NRXN1: variants seen among roughly 807,000 people sequenced by gnomAD.
NRXN1 encodes the protein neurexin 1.
Under a neutral mutation model 150.9 loss-of-function variants are expected in NRXN1, and 39 were observed. The observed-to-expected ratio is 0.26, with a 90% CI of 0.20 to 0.34. The LOEUF is 0.34. Ranked by LOEUF, NRXN1 falls within the 10% of genes least tolerant of loss-of-function variation. The probability of loss-of-function intolerance (pLI) is 1.00; values close to 1 mark genes in which losing one functional copy is unlikely to be tolerated. For synonymous variants in NRXN1, 924 were observed against 757.0 expected, an observed-to-expected ratio of 1.22 and a Z score of -3.62; for missense variants, 1,815 against 1,949.9, an observed-to-expected ratio of 0.93 and a Z score of 1.30.
chr2:50,839,726 A>T (rs1672607453), intron 5 of NRXN1, among the ~76,000 whole-genome samples: 1 of 152,150 alleles, frequency 6.6e-6, no homozygotes, highest in African/African-American at 2.4e-5. Flanking sequence ...GAAAACACAT[A>T]AGAATGCTTG....
At chr2:50,730,263 AT>A (rs529591867) in intron 5 of NRXN1, among the ~76,000 whole-genome samples, 1 of 152,084 alleles carries the variant, frequency 6.6e-6, no homozygotes, top group Admixed American at 6.5e-5. Context: ...ATGGTCTACT[AT>A]TTTTTTAAAT....
At position 50,531,160 on chromosome 2, in the gene NRXN1, A is replaced by G. The variant is rs1485552100; in HGVS notation, c.2347+67T>C. On this transcript the variant is annotated intron_variant, in intron 11 of 22. Coordinates refer to ENST00000401669, the MANE Select transcript of NRXN1 (RefSeq NM_001330078.2). ...CCATGGCAAACAGGCTACTTGATCA[A>G]TGTTTGCAGGCAAATTGAACAAAAA... The G allele has an allele frequency of 1.4e-5, 17 of 1,212,206 alleles. No individual in the cohort carries two copies. The East Asian group carries it at 3.8e-4, about 27-fold the overall frequency. 75.1% of individuals were successfully genotyped at this position (1,212,206 alleles called of 1,614,324 possible).
rs1431066801 is a variant in NRXN1 at position 50,901,852 on chromosome 2, C to A, written c.832+20017G>T. On this transcript the variant is annotated intron_variant, in intron 5 of 22. Transcript: ENST00000401669. ...AATTTGTATTCACTAAATAGGTTTT[C>A]AAGCTTTCAAAATGTTTAAAAATGT... Among the ~76,000 whole-genome samples the A allele has an allele frequency of 3.3e-5, 5 of 152,258 alleles. No homozygotes were observed. The East Asian group carries it at 9.7e-4, about 29-fold the overall frequency.
chr2:50,538,633 G>T lies in NRXN1; in HGVS notation c.1763C>A (p.Thr588Asn). 6.8e-7 allele frequency: 1 copy of T among 1,480,292 alleles called. No homozygotes were observed. Among genetic ancestry groups the T allele is most frequent in the East Asian group, 2.3e-5 (1 of 43,216 alleles). 91.7% of individuals were successfully genotyped at this position (1,480,292 alleles called of 1,614,324 possible). A position where few individuals can be genotyped will look rare whatever the true frequency, so the allele number is the denominator to read the frequency against. The change falls in exon 10 of 23, where the codon ACC (threonine) becomes AAC (asparagine). Residue 588 changes from threonine (T) to asparagine (N), a missense_variant. Physicochemically the swap from Thr to Asn is moderately conservative, Grantham distance 65. Around this residue, in one of 6 missense-constraint regions of NRXN1, gnomAD observed 638 missense variants for 652.6 expected, o/e 0.98. Coordinates refer to ENST00000401669, the MANE Select transcript of NRXN1 (RefSeq NM_001330078.2). ...VDFQRDGRSGTISVNTLRTPY... is the reference protein window; with the variant it reads ...VDFQRDGRSGNISVNTLRTPY... Reference sequence around the variant, plus strand: ...AGTACGCAACGTGTTGACAGAAATGGTACCTATTTCAAAGAGAGGAGAATG... The same window carrying T: ...AGTACGCAACGTGTTGACAGAAATGTTACCTATTTCAAAGAGAGGAGAATG...
intron 18 of NRXN1, chr2:50,175,126 A>T (rs554072866): frequency 6.6e-6 from 1 of 152,282 alleles, no homozygotes; most frequent in East Asian, 1.9e-4. Flanking sequence ...CTCATGATCC[A>T]ATGCCCTTTC....
At chr2:50,293,405 T>A (rs1169855932) in intron 17 of NRXN1, among the ~76,000 whole-genome samples, 3 of 152,156 alleles carry the variant, frequency 2.0e-5, no homozygotes, top group Non-Finnish European at 4.4e-5. Flanking sequence ...AAGCCTTACA[T>A]CATGCTACCC....
chr2:50,514,553 A>G lies in NRXN1; in HGVS notation c.2375-7936T>C, dbSNP rs1481791926. ...ACATTCTAATAGGTCAGAAGTCAAA[A>G]CACTTTTTCTGTAAAGGGCCAGACA... On this transcript the variant is annotated intron_variant, in intron 12 of 22. Coordinates refer to ENST00000401669, the MANE Select transcript of NRXN1 (RefSeq NM_001330078.2). 4.6e-5 allele frequency among the ~76,000 whole-genome samples: 7 copies of G among 152,184 alleles called. No homozygotes were observed. In the East Asian group the frequency reaches 1.3e-3, roughly 29 times the overall value.
chr2:50,176,701 T>G (rs1024574858), intron 18 of NRXN1, among the ~76,000 whole-genome samples: 6 of 152,146 alleles, frequency 3.9e-5, no homozygotes, highest in Admixed American at 3.9e-4. Context: ...CTAAAGGTAT[T>G]TTTATTCACC....
chr2:50,155,186 T>C (rs922530122), intron 18 of NRXN1, among the ~76,000 whole-genome samples: 26 of 151,674 alleles, frequency 1.7e-4, no homozygotes, highest in African/African-American at 6.3e-4. Context: ...AAGAAGACAC[T>C]AAAATACTAT....
At chr2:50,999,696 A>C (rs1995583) in intron 2 of NRXN1, among the ~76,000 whole-genome samples, 96,303 of 151,842 alleles carry the variant, frequency 0.63, 30,926 homozygotes, top group East Asian at 0.75. Flanking sequence ...GCCACCCAGT[A>C]ACTCAGGTCA....
intron 5 of NRXN1, among the ~76,000 whole-genome samples, chr2:50,769,739 T>A (rs1172722596): frequency 1.3e-5 from 2 of 152,092 alleles, no homozygotes; most frequent in Non-Finnish European, 2.9e-5. Flanking sequence ...TCATAAAGCC[T>A]TCAAAAATTA....
chr2:50,812,324 C>T (rs17503903), intron 5 of NRXN1, among the ~76,000 whole-genome samples: 14,485 of 152,106 alleles, frequency 0.095, 785 homozygotes, highest in Admixed American at 0.14. Context: ...AATATCTTTG[C>T]GGTTACATAT....
chr2:50,440,341 A>T (rs1372604210), intron 17 of NRXN1, among the ~76,000 whole-genome samples: 1 of 152,136 alleles, frequency 6.6e-6, no homozygotes, highest in Non-Finnish European at 1.5e-5. Context: ...GAGTATGTAC[A>T]ACCACTTAAT....
Position 50,445,509 on chromosome 2 carries a change from A to T in NRXN1, c.3364+19933T>A, listed in dbSNP as rs553329929. On this transcript the variant is annotated intron_variant, in intron 17 of 22. Coordinates refer to ENST00000401669, the MANE Select transcript of NRXN1 (RefSeq NM_001330078.2). Reference sequence around the variant, plus strand: ...AATTCTGAGCTCTGAAAAATCTGAGATCCGCCTTTATTATCCTCCCAATTT... The same window carrying T: ...AATTCTGAGCTCTGAAAAATCTGAGTTCCGCCTTTATTATCCTCCCAATTT... Among the ~76,000 whole-genome samples, 19 of 152,240 alleles carry T rather than the reference A, an allele frequency of 1.2e-4. No individual in the cohort carries two copies. The East Asian group carries it at 3.7e-3, about 29-fold the overall frequency.
At chr2:50,904,399 G>A (rs181914914) in intron 5 of NRXN1, among the ~76,000 whole-genome samples, 12 of 152,204 alleles carry the variant, frequency 7.9e-5, no homozygotes, top group African/African-American at 2.6e-4. Context: ...TAGTCCATAC[G>A]TGAATTTTAC....
chr2:49,985,237 C>T (rs1161947133), intron 21 of NRXN1, among the ~76,000 whole-genome samples: 1 of 152,086 alleles, frequency 6.6e-6, no homozygotes, highest in Non-Finnish European at 1.5e-5. Context: ...AGCAGAAATC[C>T]TTATTAACTA....
intron 17 of NRXN1, among the ~76,000 whole-genome samples, chr2:50,252,648 T>A (rs1230904894): frequency 1.3e-5 from 2 of 152,164 alleles, no homozygotes; most frequent in East Asian, 3.9e-4. Flanking sequence ...GGCTAGCCAG[T>A]TTTCCCAACA....
chr2:50,965,302 T>C (rs1284186630), intron 2 of NRXN1, among the ~76,000 whole-genome samples: 1 of 151,354 alleles, frequency 6.6e-6, no homozygotes, highest in Admixed American at 6.6e-5. Context: ...GACATTACAA[T>C]GCTCTATGAA....
At position 50,666,742 on chromosome 2, in the gene NRXN1, A is replaced by G. The variant is rs141952000; in HGVS notation, c.833-43127T>C. On this transcript the variant is annotated intron_variant, in intron 5 of 22. Transcript: ENST00000401669. The stretch of plus-strand genomic sequence containing the variant: ...AAATAGTCAACAGCTTTAAATACCA[A>G]TTGTAATTGTTACAATATTTTAGAA... Among the ~76,000 whole-genome samples, 871 of 152,050 alleles carry G rather than the reference A, an allele frequency of 5.7e-3. 10 individuals are homozygous for G. The highest frequency in any genetic ancestry group is 0.02 in the African/African-American group (813 of 41,550).
Sources: gnomAD v4.1 joint callset for allele counts (sites outside exome capture counted in the v4.1 genomes callset) on GRCh38, gnomAD v4.1.1 for gene constraint, gnomAD v4.1.1 regional missense constraint, MANE v1.5 for transcripts, NCBI Gene and HGNC (gene_info 2026-07-23, HGNC 2026-07-21) for gene names.